The following SCAP variants were observed in gnomAD, a reference collection of about 807,000 sequenced individuals.
SCAP encodes sterol regulatory element-binding protein cleavage-activating protein.
A neutral mutation model predicts 123.6 loss-of-function variants in SCAP; 65 were observed. The observed-to-expected ratio is 0.53, with a 90% confidence interval of 0.43 to 0.65. SCAP has a LOEUF of 0.65. Among genes scored for constraint, SCAP ranks in the 30% least tolerant of loss-of-function variants. The probability of loss-of-function intolerance (pLI) is 0.00; values close to 1 mark genes in which losing one functional copy is unlikely to be tolerated. For synonymous variants in SCAP, 740 were observed against 726.3 expected, an observed-to-expected ratio of 1.02 and a Z score of -0.30; for missense variants, 1,398 against 1,712.5, an observed-to-expected ratio of 0.82 and a Z score of 3.24.
rs1705451185 is a variant in SCAP, at chr3:47,414,168, C to T, written c.3594+12G>A. The T allele has an allele frequency of 1.9e-6, 3 of 1,613,680 alleles. No individual in the cohort carries two copies. The South Asian group carries it at 3.3e-5, about 18-fold the overall frequency. ...AAAATCCCAAGAATCCTATGATCCC[C>T]ATCCCCTCTACCTGCTGAATGGAGT... On this transcript the variant is annotated intron_variant, in intron 22 of 22. Transcript: ENST00000265565.
Position 47,414,776 on chromosome 3 carries a change from C to A in SCAP, c.3306+51G>T, listed in dbSNP as rs983165579. ...CTCTCCCTGACGAATGCATCAGGCTCCCACCCCGTGCCGGGCCACTCCAGC... is the reference window on the plus strand; with the variant it reads ...CTCTCCCTGACGAATGCATCAGGCTACCACCCCGTGCCGGGCCACTCCAGC... On this transcript the variant is annotated intron_variant, in intron 20 of 22. Coordinates refer to ENST00000265565, the MANE Select transcript of SCAP (RefSeq NM_012235.4). 5.6e-6 allele frequency: 9 copies of A among 1,599,794 alleles called. No homozygotes were observed. The African/African-American group carries it at 9.4e-5, about 17-fold the overall frequency.
At position 47,426,016 on chromosome 3, in the gene SCAP, G is replaced by C. The variant is rs759610017; in HGVS notation, c.891C>G (p.Ala297=). 1.3e-5 allele frequency: 21 copies of C among 1,614,030 alleles called. No homozygotes were observed. Among genetic ancestry groups the C allele is most frequent in the Non-Finnish European group, 1.8e-5 (21 of 1,180,022 alleles). The part of the protein sequence containing the change: ...PLVTTYIILF[A]YIYFSTRKID... ...ACCTACGCGTGGAGAAGTAGATGTA[G>C]GCAAACAAGATGATGTAGGTGGTCA... The change falls in exon 7 of 23, where the codon GCC becomes GCG. Residue 297 remains alanine, a synonymous_variant. Transcript: ENST00000265565.
chr3:47,456,729 C>G (rs551541348), intron 1 of SCAP, among the ~76,000 whole-genome samples: 1 of 151,812 alleles, frequency 6.6e-6, no homozygotes, highest in African/African-American at 2.4e-5. Flanking sequence ...CATCCGAGAT[C>G]GTGTGAGATC....
chr3:47,417,990 AG>A, intron 16 of SCAP, 143 bp downstream of exon 16: 2 of 375,166 alleles, frequency 5.3e-6, no homozygotes, highest in South Asian at 1.9e-5. Context: ...GGGTGGTGGG[AG>A]GGGGTGCGGG....
At chr3:47,422,781 A>G in intron 9 of SCAP, 2 of 398,200 alleles carry the variant, frequency 5.0e-6, no homozygotes, top group Admixed American at 4.2e-5. Flanking sequence ...GAGGAGAGCT[A>G]TAATCATCAA....
chr3:47,468,391 G>C (rs1707911831), intron 1 of SCAP, among the ~76,000 whole-genome samples: 1 of 152,130 alleles, frequency 6.6e-6, no homozygotes, highest in African/African-American at 2.4e-5. Context: ...GTTGTTTCCT[G>C]ACTTTTTAAT....
At position 47,419,614 on chromosome 3, in the gene SCAP, G is replaced by A. The variant is rs770622802; in HGVS notation, c.1654C>T (p.Pro552Ser). The A allele has an allele frequency of 1.9e-6, 3 of 1,596,212 alleles. No individual in the cohort carries two copies. Among genetic ancestry groups the A allele is most frequent in the South Asian group, 2.3e-5 (2 of 88,798 alleles). Residue 552 changes from proline to serine, a missense_variant, in exon 13 of 23, where the codon CCA becomes TCA. Coordinates refer to ENST00000265565, the MANE Select transcript of SCAP (RefSeq NM_012235.4). This position sits in a 1 kb window ranked among gnomAD's most constrained non-coding sequence, Gnocchi z 5.0. ...GGAGCCAGGGCTCCCTCACCCAATG[G>A]GCTCTGTTCCGTCACCTGGGCAGCG... Reference protein sequence around the residue: ...YLAAQVTEQSPLGEGALAPMP... With the variant: ...YLAAQVTEQSSLGEGALAPMP...
chr3:47,428,825 G>A (rs774862449), intron 3 of SCAP, 155 bp from the exon 4 acceptor site: 1 of 722,594 alleles, frequency 1.4e-6, no homozygotes. Flanking sequence ...CAGGATGGCA[G>A]ATAAGAAAAG....
At chr3:47,443,274 A>T (rs55666921) in intron 1 of SCAP, 183 bp from the exon 2 acceptor site, 3,929 of 87,862 alleles carry the variant, frequency 0.045, 36 homozygotes, top group African/African-American at 0.058. Flanking sequence ...ACACACACAC[A>T]CACTCTCTCT....
rs372186566 is a variant in SCAP, at chr3:47,425,962, G to A, written c.910+35C>T. On this transcript the variant is annotated intron_variant, in intron 7 of 22. Coordinates refer to ENST00000265565, the MANE Select transcript of SCAP (RefSeq NM_012235.4). ...TGACATGGAAATGCCCGTTTAGCTT[G>A]GAGAAAGCCCTCAGCCTCCCTGCCA... 73 of 1,611,788 alleles carry A rather than the reference G, an allele frequency of 4.5e-5. 1 individual carries two copies. The African/African-American group carries it at 8.9e-4, about 20-fold the overall frequency.
chr3:47,473,933 T>C (rs557400528), intron 1 of SCAP, among the ~76,000 whole-genome samples: 2 of 152,152 alleles, frequency 1.3e-5, no homozygotes, highest in South Asian at 2.1e-4. Context: ...CGGAGATCTC[T>C]AGAGAGGGGG....
intron 6 of SCAP, 78 bp downstream of exon 6, chr3:47,427,079 C>A: frequency 9.6e-7 from 1 of 1,037,474 alleles, no homozygotes; most frequent in Non-Finnish European, 1.5e-6. Context: ...TCAGAACACT[C>A]TAACCAGAAG....
intron 1 of SCAP, among the ~76,000 whole-genome samples, chr3:47,465,631 CAGT>C (rs1208604893): frequency 6.6e-6 from 1 of 151,892 alleles, no homozygotes; most frequent in Admixed American, 6.6e-5. Context: ...TAGCCAGGCA[CAGT>C]AGTACATTCC....
intron 1 of SCAP, among the ~76,000 whole-genome samples, chr3:47,463,705 A>T (rs1013986600): frequency 2.8e-4 from 41 of 147,560 alleles, no homozygotes; most frequent in African/African-American, 8.9e-4. Context: ...GACTGTCCCT[A>T]AAAAAAAAAC....
intron 8 of SCAP, 66 bp downstream of exon 8, chr3:47,425,419 C>T (rs749060905): frequency 5.2e-5 from 80 of 1,538,524 alleles, no homozygotes; most frequent in Non-Finnish European, 6.7e-5. Flanking sequence ...GGCCAAGAAC[C>T]CAGAAGTGCA....
At chr3:47,422,649 T>C in intron 9 of SCAP, 113 bp from the exon 10 acceptor site, 1 of 821,892 alleles carries the variant, frequency 1.2e-6, no homozygotes, top group Non-Finnish European at 1.9e-6. Flanking sequence ...CCCAGCCCTT[T>C]GAAGGAGCCA....
Position 47,427,454 on chromosome 3 carries a change from T to C in SCAP, c.624A>G (p.Thr208=), listed in dbSNP as rs1256428214. 5 of 1,614,122 alleles carry C rather than the reference T, an allele frequency of 3.1e-6. No homozygotes were observed. In the East Asian group the frequency reaches 6.7e-5, roughly 22 times the overall value. Residue 208 remains threonine (T), a synonymous_variant, in exon 5 of 23, where the codon ACA becomes ACG. Transcript: ENST00000265565. ...HEPKTLQTSA[T]LKDLLFGVPG... is the part of the protein sequence containing the mutation. ...AACTTGTACTGGGGCTACCTTTGAG[T>C]GTGGCTGAAGTCTGCAGGGTTTTAG...
intron 16 of SCAP, 141 bp downstream of exon 16, chr3:47,417,993 G>A (rs1705700324): frequency 7.1e-6 from 4 of 567,192 alleles, no homozygotes; most frequent in South Asian, 1.8e-5. Flanking sequence ...TGGTGGGAGG[G>A]GGTGCGGGGG....
At chr3:47,441,874 CTTTTTTTTTTTTT>C (rs1160447716) in intron 2 of SCAP, among the ~76,000 whole-genome samples, 2 of 76,410 alleles carry the variant, frequency 2.6e-5, no homozygotes, top group Non-Finnish European at 4.7e-5. Context: ...GTTCATCTTT[CTTTTTTTTTTTTT>C]TTTTTTTTTT....
Sources: allele counts gnomAD v4.1 joint callset (sites outside exome capture counted in the v4.1 genomes callset), GRCh38; gene constraint gnomAD v4.1.1; non-coding constraint Gnocchi (gnomAD v3.1); transcripts MANE v1.5; gene names NCBI Gene and HGNC (gene_info 2026-07-23, HGNC 2026-07-21).